The following ZC3H18 variants were observed in gnomAD, a reference collection of about 807,000 sequenced individuals.
ZC3H18 encodes the protein zinc finger CCCH domain-containing protein 18.
In ZC3H18, 8 loss-of-function variants were observed where a neutral mutation model predicts 106.1. The observed-to-expected ratio is 0.08, with a 90% CI of 0.04 to 0.14. The LOEUF (loss-of-function observed/expected upper bound fraction) is 0.14, where lower values mean the gene tolerates loss of function less well. Among genes scored for constraint, ZC3H18 ranks in the 10% least tolerant of loss-of-function variants. The pLI is 1.00. For missense variants in ZC3H18, 1,318 were observed against 1,278.4 expected (o/e 1.03, Z -0.47); for synonymous variants, 635 against 522.1 (o/e 1.22, Z -2.95).
chr16:88,572,070 G>C lies in ZC3H18; in HGVS notation c.-15+1504G>C, dbSNP rs536705663. Among the ~76,000 whole-genome samples the C allele has an allele frequency of 9.2e-5, 14 of 152,340 alleles. No individual in the cohort carries two copies. The South Asian group carries it at 2.5e-3, about 27-fold the overall frequency. On this transcript the variant is annotated intron_variant, in intron 1 of 17. Transcript: ENST00000301011. ...CAGGTTTGACCAAAAGTTTACTTAC[G>C]TGGTTGGTAGCTCACCTTATCAGGT...
rs748300983 is a variant in ZC3H18, at chr16:88,577,599, G to A, written c.476G>A (p.Gly159Asp). ...GGGGCTGAGGATGATGAGGAGAAAGGCGAAGGCACTCCCAGGGAGGAGGGG... is the reference window on the plus strand; with the variant it reads ...GGGGCTGAGGATGATGAGGAGAAAGACGAAGGCACTCCCAGGGAGGAGGGG... ...KAGAEDDEEKGEGTPREEGKA... is the reference protein window; with the variant it reads ...KAGAEDDEEKDEGTPREEGKA... Residue 159 changes from glycine (G) to aspartate (D), a missense_variant, in exon 2 of 18, where the codon GGC (glycine) becomes GAC (aspartate). Coordinates refer to ENST00000301011, the MANE Select transcript of ZC3H18 (RefSeq NM_144604.4). The A allele has an allele frequency of 1.1e-5, 18 of 1,613,688 alleles. No individual in the cohort carries two copies. The highest frequency in any genetic ancestry group is 2.2e-5 in the East Asian group (1 of 44,884).
chr16:88,599,669 C>A (rs1049026504), intron 5 of ZC3H18, 122 bp from the exon 6 acceptor site: 30 of 1,192,704 alleles, frequency 2.5e-5, no homozygotes, highest in Non-Finnish European at 3.1e-5. Flanking sequence ...TGAGCACTTG[C>A]AGCGTGCAGC....
rs765427604 is a variant in ZC3H18, at chr16:88,599,962, C to T, written c.1088+14C>T. ...CAGAGACACAGTGTAAGGAATGGCC[C>T]TGCCTGCCCCTCCGTTTCCTTCCTG... On this transcript the variant is annotated intron_variant, in intron 6 of 17. Coordinates refer to ENST00000301011, the MANE Select transcript of ZC3H18 (RefSeq NM_144604.4). 3.1e-6 allele frequency: 5 copies of T among 1,612,636 alleles called. No individual in the cohort carries two copies. In the African/African-American group the frequency reaches 4.0e-5, roughly 13 times the overall value.
At position 88,628,603 on chromosome 16, in the gene ZC3H18, G is replaced by A. The variant is rs1054831379; in HGVS notation, c.2470-155G>A. On this transcript the variant is annotated intron_variant, in intron 15 of 17. Transcript: ENST00000301011. Reference sequence around the variant, plus strand: ...TGGGGGTGCCCTTGGTCCGGGTCCTGGAGGCCTCACTCAGGGCTACGGGGT... The same window carrying A: ...TGGGGGTGCCCTTGGTCCGGGTCCTAGAGGCCTCACTCAGGGCTACGGGGT... 3.8e-5 allele frequency: 28 copies of A among 742,950 alleles called. No individual in the cohort carries two copies. The African/African-American group carries it at 4.8e-4, about 13-fold the overall frequency. 46.0% of individuals were successfully genotyped at this position (742,950 alleles called of 1,614,324 possible).
intron 15 of ZC3H18, 129 bp from the exon 16 acceptor site, chr16:88,628,629 C>CTCAT (rs1217042543): frequency 3.6e-5 from 35 of 974,134 alleles, no homozygotes; most frequent in Non-Finnish European, 1.4e-5. Flanking sequence ...GCTACGGGGT[C>CTCAT]TCATGGGTGT....
intron 16 of ZC3H18, 33 bp from the exon 17 acceptor site, chr16:88,630,452 G>A (rs1330815563): frequency 6.3e-7 from 1 of 1,576,494 alleles, no homozygotes; most frequent in Non-Finnish European, 8.7e-7. Flanking sequence ...CTGTACATCA[G>A]GAGGGTGGTC....
chr16:88,582,243 G>A (rs1342506088), intron 2 of ZC3H18, among the ~76,000 whole-genome samples: 1 of 6,466 alleles, frequency 1.5e-4, no homozygotes, highest in Non-Finnish European at 3.4e-4. Flanking sequence ...TTTTTTTTTT[G>A]AGATGGAGTC....
chr16:88,606,930 A>C (rs970916162), intron 6 of ZC3H18, among the ~76,000 whole-genome samples: 3 of 152,074 alleles, frequency 2.0e-5, no homozygotes, highest in Non-Finnish European at 4.4e-5. Context: ...CACCCAGTCT[A>C]CCCGAAGCAG....
At chr16:88,578,715 G>GA (rs1050902021) in intron 2 of ZC3H18, among the ~76,000 whole-genome samples, 2 of 152,014 alleles carry the variant, frequency 1.3e-5, no homozygotes, top group East Asian at 3.9e-4. Flanking sequence ...TTTTGAGAGA[G>GA]AGAGTCTACC....
intron 1 of ZC3H18, chr16:88,571,788 C>G (rs1914422949): frequency 1.7e-6 from 1 of 576,214 alleles, no homozygotes; most frequent in South Asian, 7.6e-5. Context: ...CGCTTGGTCA[C>G]TTTGCACGTG....
At chr16:88,581,290 AT>A (rs1430707265) in intron 2 of ZC3H18, among the ~76,000 whole-genome samples, 5 of 152,212 alleles carry the variant, frequency 3.3e-5, no homozygotes, top group African/African-American at 9.6e-5. Flanking sequence ...CCCTGGCCTG[AT>A]TTATCATTCT....
At position 88,612,968 on chromosome 16, in the gene ZC3H18, A is replaced by G. The variant is rs976660249; in HGVS notation, c.1475+1432A>G. Reference sequence around the variant, plus strand: ...CAGTGAGCTGAGATTGCACCACTGCACTCTAGCCTGGGTAATAGAGCAAGA... The same window carrying G: ...CAGTGAGCTGAGATTGCACCACTGCGCTCTAGCCTGGGTAATAGAGCAAGA... On this transcript the variant is annotated intron_variant, in intron 8 of 17. Coordinates refer to ENST00000301011, the MANE Select transcript of ZC3H18 (RefSeq NM_144604.4). Among the ~76,000 whole-genome samples, 4 of 152,162 alleles carry G rather than the reference A, an allele frequency of 2.6e-5. No homozygotes were observed. In the South Asian group the frequency reaches 8.3e-4, roughly 31 times the overall value.
At chr16:88,603,744 T>C (rs1482990260) in intron 6 of ZC3H18, among the ~76,000 whole-genome samples, 2 of 151,042 alleles carry the variant, frequency 1.3e-5, no homozygotes, top group Admixed American at 1.3e-4. Context: ...TGCCTCAGCT[T>C]ACCAAGTAGC....
intron 8 of ZC3H18, among the ~76,000 whole-genome samples, chr16:88,615,722 A>T (rs947250282): frequency 1.3e-5 from 2 of 152,152 alleles, no homozygotes; most frequent in African/African-American, 4.8e-5. Flanking sequence ...CTCTGGGTTT[A>T]TGAGTCCGTC....
chr16:88,621,370 G>A (rs1158123965), intron 8 of ZC3H18, among the ~76,000 whole-genome samples: 2 of 152,038 alleles, frequency 1.3e-5, no homozygotes, highest in African/African-American at 4.8e-5. Flanking sequence ...GACTACAGGC[G>A]CCTGCCACCA....
chr16:88,626,873 G>C (rs925971858), intron 13 of ZC3H18, among the ~76,000 whole-genome samples: 1 of 152,204 alleles, frequency 6.6e-6, no homozygotes, highest in African/African-American at 2.4e-5. Flanking sequence ...CAGACCTGCT[G>C]TTTCCAGTCT....
chr16:88,585,941 G>A (rs1042884842), intron 2 of ZC3H18, among the ~76,000 whole-genome samples: 12 of 152,116 alleles, frequency 7.9e-5, no homozygotes, highest in African/African-American at 2.9e-4. Context: ...CGTGGGCTGG[G>A]GTGGTGTAAG....
At chr16:88,585,330 G>A (rs967014985) in intron 2 of ZC3H18, among the ~76,000 whole-genome samples, 1 of 152,242 alleles carries the variant, frequency 6.6e-6, no homozygotes, top group Non-Finnish European at 1.5e-5. Context: ...TAAATCCAGG[G>A]TTTGGTTTCA....
chr16:88,616,160 A>T (rs1237349227), intron 8 of ZC3H18, among the ~76,000 whole-genome samples: 1 of 152,174 alleles, frequency 6.6e-6, no homozygotes, highest in Non-Finnish European at 1.5e-5. Flanking sequence ...TACATTCAGG[A>T]AGGGACTGGG....
Sources: allele counts gnomAD v4.1 joint callset (sites outside exome capture counted in the v4.1 genomes callset), GRCh38; gene constraint gnomAD v4.1.1; transcripts MANE v1.5; gene names NCBI Gene and HGNC (gene_info 2026-07-23, HGNC 2026-07-21).